The following CTNNA1 variants were observed in gnomAD, a reference collection of about 807,000 sequenced individuals.
CTNNA1 encodes catenin alpha-1.
Under a neutral mutation model 98.4 loss-of-function variants are expected in CTNNA1, and 37 were observed. That is an observed-to-expected ratio of 0.38 (90% CI 0.29 to 0.49). The LOEUF (loss-of-function observed/expected upper bound fraction) is 0.49. Among genes scored for constraint, CTNNA1 ranks in the 20% least tolerant of loss-of-function variants. CTNNA1 has a pLI of 0.95. For synonymous variants in CTNNA1, 404 were observed against 413.2 expected (o/e 0.98, Z 0.27); for missense variants, 761 against 1,147.2 (o/e 0.66, Z 4.86).
chr5:138,874,191 A>C lies in CTNNA1; in HGVS notation c.1063-12021A>C. ...AGTTGGGTAAAAGTTGTGTTTGGCA[A>C]GTAAAATATTTTGTTGGAACTTAAG... On this transcript the variant is annotated intron_variant, in intron 7 of 17. Coordinates refer to ENST00000302763, the MANE Select transcript of CTNNA1 (RefSeq NM_001903.5). This position sits in a 1 kb window ranked among gnomAD's most constrained non-coding sequence, Gnocchi z 4.1. 1 of 1,614,042 alleles carries C rather than the reference A, an allele frequency of 6.2e-7. No homozygotes were observed. Among genetic ancestry groups the C allele is most frequent in the South Asian group, 1.1e-5 (1 of 91,080 alleles).
chr5:138,755,535 C>T (rs1751538051), intron 1 of CTNNA1, among the ~76,000 whole-genome samples: 1 of 152,202 alleles, frequency 6.6e-6, no homozygotes, highest in East Asian at 1.9e-4. Context: ...GATGTGGCAT[C>T]ACCTTCACTC....
At position 138,804,844 on chromosome 5, in the gene CTNNA1, ACTTTTGCACCAG is replaced by A. The variant is rs1282173445; in HGVS notation, c.302-5190_302-5179del. ...AAAAAAGGTGATGAAAACTGCAATT[ACTTTTGCACCAG>A]CTTATATTAGTCCGTTCTCACATAG... On this transcript the variant is annotated intron_variant, in intron 3 of 17. Coordinates refer to ENST00000302763, the MANE Select transcript of CTNNA1 (RefSeq NM_001903.5). 2.0e-5 allele frequency among the ~76,000 whole-genome samples: 3 copies of A among 152,352 alleles called. No homozygotes were observed. The East Asian group carries it at 5.8e-4, about 29-fold the overall frequency.
chr5:138,781,692 GTGTT>G (rs1396520655), intron 1 of CTNNA1, among the ~76,000 whole-genome samples: 1 of 152,220 alleles, frequency 6.6e-6, no homozygotes, highest in Non-Finnish European at 1.5e-5. Flanking sequence ...AACATTCTGT[GTGTT>G]TGGGAATGCC....
At chr5:138,915,790 C>T (rs1481142512) in intron 10 of CTNNA1, among the ~76,000 whole-genome samples, 3 of 152,168 alleles carry the variant, frequency 2.0e-5, no homozygotes, top group African/African-American at 7.2e-5. Context: ...TTATGTTAGG[C>T]CAGGAGCAGT....
At chr5:138,911,530 C>G (rs922791956) in intron 10 of CTNNA1, among the ~76,000 whole-genome samples, 4 of 151,980 alleles carry the variant, frequency 2.6e-5, no homozygotes, top group Non-Finnish European at 4.4e-5. Flanking sequence ...GAAGAAAATA[C>G]AGTGATGGAA....
intron 7 of CTNNA1, among the ~76,000 whole-genome samples, chr5:138,831,987 A>C (rs1020993981): frequency 6.6e-6 from 1 of 152,196 alleles, no homozygotes; most frequent in African/African-American, 2.4e-5. Context: ...ATGAAGGAGG[A>C]GGCTGTGTGG....
chr5:138,912,132 G>A (rs1760771529), intron 10 of CTNNA1, among the ~76,000 whole-genome samples: 1 of 152,190 alleles, frequency 6.6e-6, no homozygotes, highest in Non-Finnish European at 1.5e-5. Context: ...GAAAGATCTG[G>A]GAGTGGAACT....
intron 7 of CTNNA1, among the ~76,000 whole-genome samples, chr5:138,858,595 T>TTTTTCTTTTTTTTTTTTTTTTTTTTTTC (rs1554090747): frequency 1.2e-5 from 1 of 83,152 alleles, no homozygotes. Flanking sequence ...TTTCTTTTTC[T>TTTTTCTTTTTTTTTTTTTTTTTTTTTTC]TTTTTTTTTT....
chr5:138,885,222 C>T (rs1753775866), intron 7 of CTNNA1, among the ~76,000 whole-genome samples: 1 of 152,156 alleles, frequency 6.6e-6, no homozygotes, highest in Non-Finnish European at 1.5e-5. Flanking sequence ...TTCATCTGCT[C>T]TACTGGCTTG....
chr5:138,933,469 T>C (rs546296368), intron 17 of CTNNA1, among the ~76,000 whole-genome samples: 1 of 152,284 alleles, frequency 6.6e-6, no homozygotes, highest in Admixed American at 6.5e-5. Flanking sequence ...GATTCCTGCT[T>C]CTCCTCCCCC....
At chr5:138,927,662 T>C (rs989102983) in intron 13 of CTNNA1, among the ~76,000 whole-genome samples, 6 of 152,180 alleles carry the variant, frequency 3.9e-5, no homozygotes, top group Non-Finnish European at 5.9e-5. Context: ...TTTTTGTCTG[T>C]TTGTCACTTT....
intron 7 of CTNNA1, among the ~76,000 whole-genome samples, chr5:138,853,972 A>G (rs1447619244): frequency 6.6e-6 from 1 of 152,206 alleles, no homozygotes; most frequent in African/African-American, 2.4e-5. Flanking sequence ...TTAAGATCAA[A>G]ATTCATTTGA....
At chr5:138,774,862 G>A (rs1753925987) in intron 1 of CTNNA1, among the ~76,000 whole-genome samples, 1 of 152,118 alleles carries the variant, frequency 6.6e-6, no homozygotes. Flanking sequence ...GCCCACCTCG[G>A]CCTCCCAAAG....
chr5:138,784,467 T>C (rs1755459659), intron 3 of CTNNA1, among the ~76,000 whole-genome samples: 1 of 152,208 alleles, frequency 6.6e-6, no homozygotes, highest in Non-Finnish European at 1.5e-5. Flanking sequence ...CCAATTGTTT[T>C]CTGAATTTGT....
chr5:138,853,658 C>A (rs1763452731), intron 7 of CTNNA1, among the ~76,000 whole-genome samples: 1 of 152,100 alleles, frequency 6.6e-6, no homozygotes, highest in Admixed American at 6.6e-5. Context: ...ATCACAGAAG[C>A]AGAAGAACTA....
In CTNNA1 at chr5:138,909,997, G is replaced by C. The variant is rs1210626471; in HGVS notation, c.1389+5556G>C. Among the ~76,000 whole-genome samples, 3 of 152,150 alleles carry C rather than the reference G, an allele frequency of 2.0e-5. No individual in the cohort carries two copies. The East Asian group carries it at 5.8e-4, about 29-fold the overall frequency. ...TTTCCACTTTGGTATTCTCTAATCT[G>C]GTTTTTTACAAAGCAGTTTCACAGA... On this transcript the variant is annotated intron_variant, in intron 10 of 17. Coordinates refer to ENST00000302763, the MANE Select transcript of CTNNA1 (RefSeq NM_001903.5).
rs1561621329 is a variant in CTNNA1, at chr5:138,873,698, T to C, written c.1063-12514T>C. On this transcript the variant is annotated intron_variant, in intron 7 of 17. Coordinates refer to ENST00000302763, the MANE Select transcript of CTNNA1 (RefSeq NM_001903.5). The surrounding 1 kb of genome is among the most constrained non-coding windows in gnomAD (Gnocchi z 6.1). ...GATCTTGGAATCAAGGCTGTTTAACTTGTTGTTATCCATGAGGAGTATTTT... is the reference window on the plus strand; with the variant it reads ...GATCTTGGAATCAAGGCTGTTTAACCTGTTGTTATCCATGAGGAGTATTTT... 1 of 1,614,036 alleles carries C rather than the reference T, an allele frequency of 6.2e-7. No homozygotes were observed. Among genetic ancestry groups the C allele is most frequent in the South Asian group, 1.1e-5 (1 of 91,082 alleles).
chr5:138,874,614 G>C lies in CTNNA1; in HGVS notation c.1063-11598G>C. On this transcript the variant is annotated intron_variant, in intron 7 of 17. Transcript: ENST00000302763. The surrounding 1 kb of genome is among the most constrained non-coding windows in gnomAD (Gnocchi z 4.1). ...TAGGATATTTTTCAGCAGAACATAT[G>C]GGCTATTTAAAAAAAACAACCACCA... is the stretch of plus-strand genomic sequence containing the variant. The C allele has an allele frequency of 9.1e-7, 1 of 1,101,876 alleles. No homozygotes were observed. The highest frequency in any genetic ancestry group is 1.3e-6 in the Non-Finnish European group (1 of 786,632). The allele number at this position is 1,101,876 out of a possible 1,614,324, so 68.3% of individuals were successfully genotyped here. A position where few individuals can be genotyped will look rare whatever the true frequency, so the allele number is the denominator to read the frequency against.
At chr5:138,916,763 A>T (rs1213908948) in intron 10 of CTNNA1, among the ~76,000 whole-genome samples, 1 of 146,670 alleles carries the variant, frequency 6.8e-6, no homozygotes, top group Non-Finnish European at 1.5e-5. Context: ...ATTTATTTTT[A>T]TTTATTATTT....
Sources: gnomAD v4.1 joint callset for allele counts (sites outside exome capture counted in the v4.1 genomes callset) on GRCh38, gnomAD v4.1.1 for gene constraint, Gnocchi (gnomAD v3.1) non-coding constraint, MANE v1.5 for transcripts, NCBI Gene and HGNC (gene_info 2026-07-23, HGNC 2026-07-21) for gene names.